KCNQ5: variants seen among roughly 807,000 people sequenced by gnomAD.
The protein encoded by KCNQ5 is potassium voltage-gated channel subfamily KQT member 5.
A neutral mutation model predicts 98.2 loss-of-function variants in KCNQ5; 30 were observed. The observed-to-expected ratio is 0.31, with a 90% CI of 0.23 to 0.41. The LOEUF is 0.41. KCNQ5 is among the 10% of genes least tolerant of loss of function. The pLI is 1.00. For missense variants in KCNQ5, 835 were observed against 1,182.5 expected, an observed-to-expected ratio of 0.71 and a Z score of 4.31; for synonymous variants, 458 against 449.4, an observed-to-expected ratio of 1.02 and a Z score of -0.24.
At chr6:72,931,691 G>A (rs1428499282) in intron 1 of KCNQ5, among the ~76,000 whole-genome samples, 2 of 152,138 alleles carry the variant, frequency 1.3e-5, no homozygotes, top group Admixed American at 6.5e-5. Context: ...AGCGAAGTGA[G>A]GCTAAAACAA....
intron 1 of KCNQ5, among the ~76,000 whole-genome samples, chr6:72,973,005 G>A (rs563670535): frequency 1.3e-5 from 2 of 152,264 alleles, no homozygotes; most frequent in South Asian, 2.1e-4. Context: ...GCCTTCTAAT[G>A]TGTAATTCAA....
At chr6:73,131,433 A>T (rs1776234300) in intron 9 of KCNQ5, among the ~76,000 whole-genome samples, 1 of 152,210 alleles carries the variant, frequency 6.6e-6, no homozygotes, top group Non-Finnish European at 1.5e-5. Flanking sequence ...ATAAAATCAA[A>T]TATAGTGAGG....
intron 1 of KCNQ5, among the ~76,000 whole-genome samples, chr6:72,624,330 A>AAT (rs1158654776): frequency 1.3e-5 from 2 of 152,214 alleles, no homozygotes; most frequent in African/African-American, 4.8e-5. Context: ...TTTGGTAGCA[A>AAT]ATATATATAC....
At chr6:72,688,188 C>G (rs1405264877) in intron 1 of KCNQ5, among the ~76,000 whole-genome samples, 1 of 152,150 alleles carries the variant, frequency 6.6e-6, no homozygotes, top group Non-Finnish European at 1.5e-5. Context: ...TTATACTGAG[C>G]AGAGTTTACA....
At chr6:72,911,679 G>C (rs906473894) in intron 1 of KCNQ5, among the ~76,000 whole-genome samples, 2 of 152,096 alleles carry the variant, frequency 1.3e-5, no homozygotes, top group Non-Finnish European at 2.9e-5. Flanking sequence ...CCAGGCAGGA[G>C]AAGGCATCAC....
chr6:72,672,105 G>A (rs7742742), intron 1 of KCNQ5, among the ~76,000 whole-genome samples: 7 of 149,382 alleles, frequency 4.7e-5, no homozygotes, highest in Non-Finnish European at 1.0e-4. Flanking sequence ...CATGAGCCAC[G>A]ACGCCTGGCC....
chr6:72,679,286 C>T lies in KCNQ5; in HGVS notation c.398+56699C>T, dbSNP rs181494428. ...GACACATGCACACGTATGTTTATTG[C>T]GACACTATTCACAATAGCAAAGACT... On this transcript the variant is annotated intron_variant, in intron 1 of 13. Transcript: ENST00000370398. Among the ~76,000 whole-genome samples the T allele has an allele frequency of 6.6e-3, 1,007 of 152,042 alleles. 10 individuals are homozygous for T. The highest frequency in any genetic ancestry group is 0.023 in the African/African-American group (946 of 41,464).
At chr6:72,920,605 A>C (rs1215580991) in intron 1 of KCNQ5, among the ~76,000 whole-genome samples, 2 of 152,152 alleles carry the variant, frequency 1.3e-5, no homozygotes, top group African/African-American at 4.8e-5. Context: ...CATTTTTCTG[A>C]CATTTATTTG....
At chr6:73,074,545 A>G (rs1252904440) in intron 3 of KCNQ5, among the ~76,000 whole-genome samples, 23 of 152,208 alleles carry the variant, frequency 1.5e-4, no homozygotes, top group Non-Finnish European at 2.9e-5. Context: ...TCAAATCAAC[A>G]ATCTTTCTCT....
chr6:73,055,374 C>G (rs1772435628), intron 3 of KCNQ5: 3 of 1,471,770 alleles, frequency 2.0e-6, no homozygotes, highest in Non-Finnish European at 1.9e-6. Flanking sequence ...GGGGCTCTAG[C>G]CGGTCTCAAT....
chr6:73,193,268 C>G (rs1247238534), intron 13 of KCNQ5, among the ~76,000 whole-genome samples: 1 of 151,412 alleles, frequency 6.6e-6, no homozygotes, highest in Non-Finnish European at 1.5e-5. Context: ...GATCCGCTTG[C>G]CTTGGCCTCC....
intron 1 of KCNQ5, among the ~76,000 whole-genome samples, chr6:72,724,375 T>A (rs928874706): frequency 2.0e-5 from 3 of 152,244 alleles, no homozygotes; most frequent in South Asian, 4.1e-4. Context: ...CTTTTGCTTC[T>A]TTTATCCAAA....
chr6:72,910,590 G>A (rs1779901245), intron 1 of KCNQ5, among the ~76,000 whole-genome samples: 1 of 151,354 alleles, frequency 6.6e-6, no homozygotes, highest in Admixed American at 6.6e-5. Context: ...GTGTGTGTGT[G>A]TGTGTGTGTG....
At chr6:72,815,367 G>A (rs1775458230) in intron 1 of KCNQ5, among the ~76,000 whole-genome samples, 1 of 152,192 alleles carries the variant, frequency 6.6e-6, no homozygotes, top group African/African-American at 2.4e-5. Context: ...GTATAAACAA[G>A]GAGAGATGAA....
chr6:72,628,035 T>C (rs1404854322), intron 1 of KCNQ5, among the ~76,000 whole-genome samples: 1 of 152,194 alleles, frequency 6.6e-6, no homozygotes, highest in East Asian at 1.9e-4. Context: ...GGTCTGTCTC[T>C]CCCACATGAC....
chr6:72,774,608 A>AACAC (rs150113759), intron 1 of KCNQ5, among the ~76,000 whole-genome samples: 5,041 of 149,652 alleles, frequency 0.034, 256 homozygotes, highest in African/African-American at 0.11. Flanking sequence ...CCAGTATATA[A>AACAC]ACACACACAC....
intron 1 of KCNQ5, among the ~76,000 whole-genome samples, chr6:72,828,731 A>C (rs1369379382): frequency 6.6e-6 from 1 of 151,960 alleles, no homozygotes; most frequent in African/African-American, 2.4e-5. Flanking sequence ...TATTTGTCAA[A>C]ATGACTTTTT....
At chr6:72,839,106 ATTT>A (rs1776669081) in intron 1 of KCNQ5, among the ~76,000 whole-genome samples, 1 of 152,084 alleles carries the variant, frequency 6.6e-6, no homozygotes, top group Non-Finnish European at 1.5e-5. Context: ...AATTTTAACT[ATTT>A]TATGGCCTTT....
intron 1 of KCNQ5, chr6:72,640,652 C>G (rs552588685): frequency 6.6e-6 from 1 of 152,274 alleles, no homozygotes; most frequent in Admixed American, 6.5e-5. Flanking sequence ...AAAGCAGGAA[C>G]TACTGCTTTG....
Sources: allele counts gnomAD v4.1 joint callset (sites outside exome capture counted in the v4.1 genomes callset), GRCh38; gene constraint gnomAD v4.1.1; transcripts MANE v1.5; gene names NCBI Gene and HGNC (gene_info 2026-07-23, HGNC 2026-07-21).